Variants in ZNF407 observed in about 807,000 individuals in gnomAD.
ZNF407 encodes the protein zinc finger protein 407.
Under a neutral mutation model 131.2 loss-of-function variants are expected in ZNF407, and 17 were observed. The observed-to-expected ratio is 0.13, with a 90% CI of 0.09 to 0.19. The LOEUF (loss-of-function observed/expected upper bound fraction) is 0.19, where lower values mean the gene tolerates loss of function less well. Among genes scored for constraint, ZNF407 ranks in the 10% least tolerant of loss-of-function variants. The probability of loss-of-function intolerance (pLI) is 1.00; values close to 1 mark genes in which losing one functional copy is unlikely to be tolerated. For missense variants in ZNF407, 2,681 were observed against 2,830.6 expected (o/e 0.95, Z 1.20); for synonymous variants, 1,156 against 1,062.0 (o/e 1.09, Z -1.72).
intron 8 of ZNF407, among the ~76,000 whole-genome samples, chr18:75,056,799 C>A (rs1973567213): frequency 6.6e-6 from 1 of 152,178 alleles, no homozygotes; most frequent in African/African-American, 2.4e-5. Context: ...TTTGAAATTT[C>A]TAAAAGGTTA....
At chr18:74,623,194 CTGTA>C (rs896839280) in intron 1 of ZNF407, among the ~76,000 whole-genome samples, 1 of 149,470 alleles carries the variant, frequency 6.7e-6, no homozygotes, top group Non-Finnish European at 1.5e-5. Context: ...CCGTGTGTGT[CTGTA>C]TGTCTGTGAA....
At chr18:74,798,146 A>T (rs1420239581) in intron 4 of ZNF407, among the ~76,000 whole-genome samples, 1 of 151,980 alleles carries the variant, frequency 6.6e-6, no homozygotes. Context: ...CTGGCCAGAG[A>T]CATTGCATGG....
chr18:74,610,320 GAT>G (rs376763354), intron 1 of ZNF407, among the ~76,000 whole-genome samples: 14 of 152,112 alleles, frequency 9.2e-5, no homozygotes, highest in Admixed American at 5.9e-4. Flanking sequence ...CCCATTGTTG[GAT>G]AGTAGGTTGT....
chr18:75,029,053 A>G (rs747735921), intron 8 of ZNF407, among the ~76,000 whole-genome samples: 1 of 152,228 alleles, frequency 6.6e-6, no homozygotes, highest in Non-Finnish European at 1.5e-5. Context: ...TAGCACAGCT[A>G]ACATCTCAGA....
intron 4 of ZNF407, among the ~76,000 whole-genome samples, chr18:74,875,330 GTT>G (rs1971141199): frequency 6.6e-6 from 1 of 152,092 alleles, no homozygotes; most frequent in Non-Finnish European, 1.5e-5. Flanking sequence ...ACAAGCTTTA[GTT>G]TAACATTTTT....
chr18:74,730,628 T>C (rs912290297), intron 3 of ZNF407, among the ~76,000 whole-genome samples: 1 of 152,244 alleles, frequency 6.6e-6, no homozygotes, highest in African/African-American at 2.4e-5. Flanking sequence ...TTGTTCAACA[T>C]TGATTACACT....
intron 8 of ZNF407, among the ~76,000 whole-genome samples, chr18:75,033,178 A>C (rs1568306927): frequency 7.3e-6 from 1 of 136,214 alleles, no homozygotes; most frequent in Non-Finnish European, 1.5e-5. Context: ...AATGGGGGGA[A>C]GACAGTATTA....
intron 4 of ZNF407, among the ~76,000 whole-genome samples, chr18:74,834,009 A>G (rs1970521970): frequency 6.6e-6 from 1 of 152,126 alleles, no homozygotes; most frequent in Non-Finnish European, 1.5e-5. Context: ...AGAACTTTTA[A>G]TTTTCTGATT....
At chr18:74,711,779 C>G (rs1002096597) in intron 3 of ZNF407, among the ~76,000 whole-genome samples, 1 of 152,136 alleles carries the variant, frequency 6.6e-6, no homozygotes, top group Non-Finnish European at 1.5e-5. Flanking sequence ...GGCATGATCT[C>G]AGCTCACTGC....
chr18:74,899,966 A>G (rs1345098379), intron 7 of ZNF407, among the ~76,000 whole-genome samples: 2 of 152,246 alleles, frequency 1.3e-5, no homozygotes, highest in African/African-American at 4.8e-5. Flanking sequence ...AGAGGGAAAG[A>G]CAGAGGGTGG....
chr18:74,733,696 G>A (rs910304421), intron 3 of ZNF407, among the ~76,000 whole-genome samples: 1 of 152,198 alleles, frequency 6.6e-6, no homozygotes, highest in Admixed American at 6.5e-5. Context: ...CTACAATCAT[G>A]TTAATCCTCG....
At chr18:74,676,483 C>T (rs1210515391) in intron 3 of ZNF407, among the ~76,000 whole-genome samples, 3 of 149,066 alleles carry the variant, frequency 2.0e-5, no homozygotes, top group Non-Finnish European at 3.0e-5. Flanking sequence ...GTCACCCAGG[C>T]TGGAGTGCAG....
Position 74,967,096 on chromosome 18 carries a change from A to G in ZNF407, c.5428+46404A>G, listed in dbSNP as rs951072557. On this transcript the variant is annotated intron_variant, in intron 8 of 8. Coordinates refer to ENST00000299687, the MANE Select transcript of ZNF407 (RefSeq NM_017757.3). ...GGCAACATAGGGAAACCTCGTCTCT[A>G]CAAAATATTTAAAAAAGTATCCAAG... Among the ~76,000 whole-genome samples the G allele has an allele frequency of 1.4e-4, 22 of 152,246 alleles. No homozygotes were observed. The South Asian group carries it at 3.9e-3, about 27-fold the overall frequency.
intron 7 of ZNF407, among the ~76,000 whole-genome samples, chr18:74,909,750 A>G (rs983880361): frequency 6.6e-6 from 1 of 152,202 alleles, no homozygotes; most frequent in East Asian, 1.9e-4. Context: ...TACAAATTTC[A>G]TGGATTTTCT....
intron 3 of ZNF407, among the ~76,000 whole-genome samples, chr18:74,659,875 T>C (rs1025741248): frequency 1.5e-4 from 23 of 152,280 alleles, no homozygotes; most frequent in Admixed American, 7.8e-4. Context: ...GTGCATTTGG[T>C]AGTATACAGA....
chr18:74,781,543 GATTTTTATTTTAGGCTTT>G, intron 4 of ZNF407, 41 bp downstream of exon 4: 1 of 1,405,326 alleles, frequency 7.1e-7, no homozygotes, highest in Non-Finnish European at 9.5e-7. Context: ...AATACAATTT[GATTTTTATTTTAGGCTTT>G]ATTTAATGAC....
chr18:74,730,498 C>T (rs931145588), intron 3 of ZNF407, among the ~76,000 whole-genome samples: 2 of 152,134 alleles, frequency 1.3e-5, no homozygotes, highest in East Asian at 1.9e-4. Flanking sequence ...AGCTACTGCC[C>T]GTCACAAATG....
chr18:74,893,135 C>T (rs1284569801), intron 7 of ZNF407, among the ~76,000 whole-genome samples: 2 of 152,182 alleles, frequency 1.3e-5, no homozygotes, highest in East Asian at 3.8e-4. Context: ...TTTAGGACCG[C>T]ATTTGAGCCA....
At chr18:74,905,515 C>T (rs1321903967) in intron 7 of ZNF407, 1 of 152,388 alleles carries the variant, frequency 6.6e-6, no homozygotes, top group African/African-American at 2.4e-5. Context: ...TTTATCCTCT[C>T]AAGGGTGGTG....
Sources: allele counts gnomAD v4.1 joint callset (sites outside exome capture counted in the v4.1 genomes callset), GRCh38; gene constraint gnomAD v4.1.1; transcripts MANE v1.5; gene names NCBI Gene and HGNC (gene_info 2026-07-23, HGNC 2026-07-21).